Variants in CFAP96 observed in about 807,000 individuals in gnomAD.
The protein encoded by CFAP96 is cilia and flagella associated protein 96, also known as cilia-and flagella-associated protein 96.
At chr4:185,448,089 C>G in the CFAP96 span, among the ~76,000 whole-genome samples, 2 of 151,566 alleles carry the variant, frequency 1.3e-5, no homozygotes, top group Non-Finnish European at 2.9e-5. Context: ...GGTGTGATCT[C>G]GGCTCACTGC....
chr4:185,438,645 T>G, the CFAP96 span, among the ~76,000 whole-genome samples: 1 of 152,234 alleles, frequency 6.6e-6, no homozygotes, highest in Admixed American at 6.5e-5. Context: ...GAATTTTACT[T>G]CGTTGAGTGC....
At chr4:185,441,252 G>A in the CFAP96 span, among the ~76,000 whole-genome samples, 1 of 152,140 alleles carries the variant, frequency 6.6e-6, no homozygotes, top group Non-Finnish European at 1.5e-5. Flanking sequence ...AAGTTAATAA[G>A]TGAGAATAAA....
the CFAP96 span, among the ~76,000 whole-genome samples, chr4:185,412,683 CAG>C: frequency 6.6e-6 from 1 of 152,072 alleles, no homozygotes; most frequent in Non-Finnish European, 1.5e-5. Context: ...GTGGAGCAGA[CAG>C]AGTAAAAGTT....
chr4:185,415,592 T>C, the CFAP96 span: 1 of 979,912 alleles, frequency 1.0e-6, no homozygotes, highest in Non-Finnish European at 1.5e-6. Context: ...AGATGGCTCT[T>C]AGGTTAATAA....
chr4:185,432,411 TTATC>T, the CFAP96 span, among the ~76,000 whole-genome samples: 3 of 152,202 alleles, frequency 2.0e-5, no homozygotes, highest in Admixed American at 6.5e-5. Flanking sequence ...AAATTTTGGA[TTATC>T]TATATCACTA....
At chr4:185,422,632 A>C in the CFAP96 span, 1 of 1,064,124 alleles carries the variant, frequency 9.4e-7, no homozygotes, top group Non-Finnish European at 1.4e-6. Context: ...TATAAATTAG[A>C]ATCTAAGTTT....
chr4:185,426,804 G>A, the CFAP96 span, among the ~76,000 whole-genome samples: 1 of 148,084 alleles, frequency 6.8e-6, no homozygotes, highest in African/African-American at 2.5e-5. Flanking sequence ...GGCCAAGGCA[G>A]ACGCATCACC....
the CFAP96 span, among the ~76,000 whole-genome samples, chr4:185,431,765 A>G: frequency 1.3e-5 from 2 of 152,236 alleles, no homozygotes; most frequent in Admixed American, 6.5e-5. Context: ...TGTATAAGCA[A>G]GACCTTACAT....
At chr4:185,429,323 A>G in the CFAP96 span, 2 of 637,454 alleles carry the variant, frequency 3.1e-6, no homozygotes, top group South Asian at 2.9e-5. Flanking sequence ...TTTATTTTCA[A>G]TGTAAAGTAG....
the CFAP96 span, among the ~76,000 whole-genome samples, chr4:185,433,094 C>T: frequency 1.3e-5 from 2 of 152,098 alleles, no homozygotes; most frequent in South Asian, 4.1e-4. Flanking sequence ...AAGATATACT[C>T]ATGAGGTTTA....
the CFAP96 span, chr4:185,440,467 A>G: frequency 1.1e-6 from 1 of 942,438 alleles, no homozygotes; most frequent in East Asian, 3.1e-5. Flanking sequence ...ATTAAAATGT[A>G]AAAGATTTAA....
At chr4:185,418,818 A>T in the CFAP96 span, 1 of 1,434,230 alleles carries the variant, frequency 7.0e-7, no homozygotes, top group South Asian at 1.4e-5. Context: ...AAATTTTTCA[A>T]CATGAATGGT....
the CFAP96 span, among the ~76,000 whole-genome samples, chr4:185,428,626 TAAAG>T: frequency 1.3e-5 from 2 of 151,490 alleles, no homozygotes; most frequent in Non-Finnish European, 2.9e-5. Flanking sequence ...AATTTCTAAA[TAAAG>T]AGTTGCATGT....
At chr4:185,414,220 A>T in the CFAP96 span, among the ~76,000 whole-genome samples, 1 of 152,226 alleles carries the variant, frequency 6.6e-6, no homozygotes, top group African/African-American at 2.4e-5. Flanking sequence ...CTTGTAAATG[A>T]GTAAATTATA....
the CFAP96 span, chr4:185,440,391 A>G: frequency 1.8e-6 from 1 of 550,662 alleles, no homozygotes. Flanking sequence ...TCATAAAAAT[A>G]GAACATAGTA....
At chr4:185,417,505 T>G in the CFAP96 span, among the ~76,000 whole-genome samples, 1 of 152,168 alleles carries the variant, frequency 6.6e-6, no homozygotes, top group Admixed American at 6.5e-5. Flanking sequence ...TCCCTAAATA[T>G]CTCTTGTATG....
At chr4:185,420,473 T>C in the CFAP96 span, among the ~76,000 whole-genome samples, 21 of 152,134 alleles carry the variant, frequency 1.4e-4, no homozygotes, top group Admixed American at 9.2e-4. Context: ...ATTTATTCAA[T>C]GACCTGATTC....
At chr4:185,449,722 A>T in the CFAP96 span, 1 of 1,018,420 alleles carries the variant, frequency 9.8e-7, no homozygotes, top group Non-Finnish European at 1.4e-6. Context: ...GAAAAAATAT[A>T]AGATGTTATG....
chr4:185,410,965 G>GA, the CFAP96 span, among the ~76,000 whole-genome samples: 9 of 139,128 alleles, frequency 6.5e-5, no homozygotes, highest in South Asian at 1.8e-3. Flanking sequence ...AAAAAAGAAA[G>GA]AAAGAAATAT....
Sources: allele counts gnomAD v4.1 joint callset (sites outside exome capture counted in the v4.1 genomes callset), GRCh38; gene constraint gnomAD v4.1.1; transcripts MANE v1.5; gene names NCBI Gene and HGNC (gene_info 2026-07-23, HGNC 2026-07-21).